ZNF566: variants seen among roughly 807,000 people sequenced by gnomAD.
ZNF566 encodes zinc finger protein 566.
Under a neutral mutation model 32.8 loss-of-function variants are expected in ZNF566, and 27 were observed. That is an observed-to-expected ratio of 0.82 (90% CI 0.61 to 1.14). The LOEUF (loss-of-function observed/expected upper bound fraction) is 1.14. ZNF566 is among the 50% of genes most tolerant of loss of function. The pLI is 0.00. For missense variants in ZNF566, 402 were observed against 490.4 expected, an observed-to-expected ratio of 0.82 and a Z score of 1.70; for synonymous variants, 154 against 159.5, an observed-to-expected ratio of 0.97 and a Z score of 0.26.
At chr19:36,483,746 G>A (rs965202703) in intron 1 of ZNF566, among the ~76,000 whole-genome samples, 5 of 152,060 alleles carry the variant, frequency 3.3e-5, no homozygotes, top group East Asian at 1.9e-4. Flanking sequence ...TGAACGATTC[G>A]CAAATCAGGC....
chr19:36,482,357 G>A (rs1013259559), intron 1 of ZNF566, among the ~76,000 whole-genome samples: 1 of 152,140 alleles, frequency 6.6e-6, no homozygotes, highest in South Asian at 2.1e-4. Flanking sequence ...CGCCGGCCTC[G>A]GCCTCCCAAA....
chr19:36,458,665 T>C (rs1287017451), intron 4 of ZNF566, among the ~76,000 whole-genome samples: 2 of 152,202 alleles, frequency 1.3e-5, no homozygotes, highest in Non-Finnish European at 2.9e-5. Context: ...ATAGTAACTA[T>C]AGTTTATAAT....
intron 1 of ZNF566, among the ~76,000 whole-genome samples, chr19:36,482,272 A>AT (rs2034054441): frequency 6.6e-6 from 1 of 152,034 alleles, no homozygotes; most frequent in Admixed American, 6.6e-5. Flanking sequence ...CGCCCGGCTA[A>AT]TTTTTTGTAT....
intron 1 of ZNF566, among the ~76,000 whole-genome samples, chr19:36,477,526 G>GTTTTTTTTTTTTTTTTTTTTTTTTTTTT (rs767741591): frequency 1.9e-5 from 2 of 106,998 alleles, no homozygotes; most frequent in African/African-American, 3.8e-5. Flanking sequence ...TTCTGTTTCT[G>GTTTTTTTTTTTTTTTTTTTTTTTTTTTT]TTTTTTTTTT....
At position 36,473,475 on chromosome 19, in the gene ZNF566, G is replaced by A. The variant is rs771271975; in HGVS notation, c.10-17C>T. 39 of 1,526,822 alleles carry A rather than the reference G, an allele frequency of 2.6e-5. No homozygotes were observed. In the Middle Eastern group the frequency reaches 5.3e-4, roughly 21 times the overall value. 94.6% of individuals were successfully genotyped at this position (1,526,822 alleles called of 1,614,324 possible). On this transcript the variant is annotated splice_polypyrimidine_tract_variant and intron_variant, in intron 2 of 4. Transcript: ENST00000452939. ...CACTGACTCCTGGAACAATAACCAC[G>A]TATATGACTTCATTAATTTTTTAAA...
intron 4 of ZNF566, 49 bp downstream of exon 4, chr19:36,472,862 C>A: frequency 6.9e-7 from 1 of 1,455,168 alleles, no homozygotes. Context: ...CTAAAAGATG[C>A]AGTCTCTCTA....
chr19:36,452,868 C>T (rs1425252780), intron 4 of ZNF566, among the ~76,000 whole-genome samples: 1 of 151,930 alleles, frequency 6.6e-6, no homozygotes, highest in Non-Finnish European at 1.5e-5. Flanking sequence ...ACCTGTAATC[C>T]TAGCACTTTG....
rs1435860916 is a variant in ZNF566 at position 36,472,985 on chromosome 19, T to C, written c.158A>G (p.Asn53Ser). 6.2e-7 allele frequency: 1 copy of C among 1,613,676 alleles called. No homozygotes were observed. The highest frequency in any genetic ancestry group is 1.3e-5 in the African/African-American group (1 of 74,904). The change falls in exon 4 of 5, where the codon AAT becomes AGT. Residue 53 changes from asparagine (N) to serine (S), a missense_variant. Asn to Ser is a conservative substitution (Grantham distance 46). Coordinates refer to ENST00000452939, the MANE Select transcript of ZNF566 (RefSeq NM_001145344.1). ...VSMGHSISKP[N>S]VISYLEQGKE... ...CCCTTGCTCCAAGTAGGAGATCACATTTGGTTTAGAAATAGAATGCCCTGC... is the reference window on the plus strand; with the variant it reads ...CCCTTGCTCCAAGTAGGAGATCACACTTGGTTTAGAAATAGAATGCCCTGC...
intron 4 of ZNF566, among the ~76,000 whole-genome samples, chr19:36,456,820 C>T (rs942051220): frequency 1.3e-5 from 2 of 152,208 alleles, no homozygotes; most frequent in Middle Eastern, 3.4e-3. Flanking sequence ...CCATACTACC[C>T]AAAGCAATCT....
At chr19:36,461,397 G>A (rs768810272) in intron 4 of ZNF566, among the ~76,000 whole-genome samples, 1 of 152,178 alleles carries the variant, frequency 6.6e-6, no homozygotes, top group Non-Finnish European at 1.5e-5. Context: ...TTGGCTGGAC[G>A]CAGTGGCTTA....
At chr19:36,463,387 C>T (rs1009291068) in intron 4 of ZNF566, among the ~76,000 whole-genome samples, 2 of 151,830 alleles carry the variant, frequency 1.3e-5, no homozygotes, top group African/African-American at 4.8e-5. Context: ...ACTATAAGCC[C>T]TTTTTTGAGA....
intron 1 of ZNF566, among the ~76,000 whole-genome samples, chr19:36,485,793 C>T (rs1263996422): frequency 3.3e-5 from 5 of 150,838 alleles, no homozygotes; most frequent in Admixed American, 1.3e-4. Flanking sequence ...CGGTGGCTCA[C>T]GCCTGTAATC....
At chr19:36,488,814 G>C (rs1018098762) in intron 1 of ZNF566, among the ~76,000 whole-genome samples, 2 of 152,138 alleles carry the variant, frequency 1.3e-5, no homozygotes, top group African/African-American at 4.8e-5. Flanking sequence ...GGAAAAACTG[G>C]AGTATAATGC....
At chr19:36,455,867 C>A (rs1036586834) in intron 4 of ZNF566, among the ~76,000 whole-genome samples, 7 of 151,924 alleles carry the variant, frequency 4.6e-5, no homozygotes, top group African/African-American at 1.5e-4. Flanking sequence ...GGTGAAACCT[C>A]TCTCTACTAA....
chr19:36,445,218 T>C lies in ZNF566; in HGVS notation c.*3759A>G, dbSNP rs1300979545. Reference sequence around the variant, plus strand: ...AAGTAATAAAAGCTATTGAAAAGTGTCAAGGATTGCTAGAATATGGAGAAC... The same window carrying C: ...AAGTAATAAAAGCTATTGAAAAGTGCCAAGGATTGCTAGAATATGGAGAAC... On this transcript the variant is annotated 3_prime_UTR_variant, in exon 5 of 5. Coordinates refer to ENST00000452939, the MANE Select transcript of ZNF566 (RefSeq NM_001145344.1). 1 of 152,114 alleles carries C rather than the reference T, an allele frequency of 6.6e-6. No homozygotes were observed. The highest frequency in any genetic ancestry group is 1.5e-5 in the Non-Finnish European group (1 of 68,024). The allele number at this position is 152,114 out of a possible 1,614,324, so 9.4% of individuals were successfully genotyped here. A position where few individuals can be genotyped will look rare whatever the true frequency, so the allele number is the denominator to read the frequency against.
Position 36,449,934 on chromosome 19 carries a change from G to C in ZNF566, c.300C>G (p.Thr100=). The change falls in exon 5 of 5, where the codon ACC becomes ACG. Residue 100 remains threonine, a synonymous_variant. Coordinates refer to ENST00000452939, the MANE Select transcript of ZNF566 (RefSeq NM_001145344.1). ...TGAGTTTTTCCATTATTTCCCACTG[G>C]GTTGATTCTATTTCATAAATTTCTT... ...LKKEIYEIES[T]QWEIMEKLTR... is the part of the protein sequence containing the mutation. 1 of 1,613,178 alleles carries C rather than the reference G, an allele frequency of 6.2e-7. No homozygotes were observed.
chr19:36,460,673 T>A (rs2033439306), intron 4 of ZNF566, among the ~76,000 whole-genome samples: 1 of 152,066 alleles, frequency 6.6e-6, no homozygotes, highest in Admixed American at 6.6e-5. Flanking sequence ...AACTTACAAA[T>A]TTTGTGAAAG....
chr19:36,472,369 T>A (rs2033786341), intron 4 of ZNF566, among the ~76,000 whole-genome samples: 1 of 152,240 alleles, frequency 6.6e-6, no homozygotes, highest in Non-Finnish European at 1.5e-5. Context: ...TTTGTAGACA[T>A]GTTCTAGTAC....
intron 2 of ZNF566, among the ~76,000 whole-genome samples, chr19:36,474,456 G>A (rs1001838419): frequency 5.3e-5 from 8 of 152,288 alleles, no homozygotes; most frequent in Admixed American, 1.3e-4. Flanking sequence ...ATTTGCAGCC[G>A]TAATAAGGTG....
Sources: allele counts gnomAD v4.1 joint callset (sites outside exome capture counted in the v4.1 genomes callset), GRCh38; gene constraint gnomAD v4.1.1; transcripts MANE v1.5; gene names NCBI Gene and HGNC (gene_info 2026-07-23, HGNC 2026-07-21).